Variants in DNAJB12 observed in about 807,000 individuals in gnomAD.
DNAJB12 encodes DnaJ heat shock protein family (Hsp40) member B12, also known as dnaJ homolog subfamily B member 12.
DNAJB12 carries 14 observed loss-of-function variants against 40.6 expected under a neutral mutation model. That is an observed-to-expected ratio of 0.34 (90% CI 0.23 to 0.54). The LOEUF is 0.54. Ranked by LOEUF, DNAJB12 falls within the 20% of genes least tolerant of loss-of-function variation. The probability of loss-of-function intolerance (pLI) is 0.92; values close to 1 mark genes in which losing one functional copy is unlikely to be tolerated. For missense variants in DNAJB12, 444 were observed against 501.7 expected (o/e 0.89, Z 1.10); for synonymous variants, 181 against 199.5 (o/e 0.91, Z 0.78).
intron 3 of DNAJB12, among the ~76,000 whole-genome samples, chr10:72,342,696 G>C (rs1221347750): frequency 2.0e-5 from 3 of 152,208 alleles, no homozygotes; most frequent in Non-Finnish European, 4.4e-5. Context: ...AGGAAGACAT[G>C]GTGGGAATGA....
At chr10:72,352,354 C>T (rs1038808735) in intron 1 of DNAJB12, among the ~76,000 whole-genome samples, 1 of 152,174 alleles carries the variant, frequency 6.6e-6, no homozygotes, top group African/African-American at 2.4e-5. Flanking sequence ...TTCCCCCAAA[C>T]GTTACAACTT....
chr10:72,352,339 A>T (rs1322840627), intron 1 of DNAJB12, among the ~76,000 whole-genome samples: 3 of 152,056 alleles, frequency 2.0e-5, no homozygotes, highest in Admixed American at 2.0e-4. Flanking sequence ...CTACACTTTG[A>T]TCTCTTCCCC....
chr10:72,344,766 C>T (rs544559007), intron 2 of DNAJB12, among the ~76,000 whole-genome samples, 184 bp downstream of exon 2: 94 of 152,264 alleles, frequency 6.2e-4, no homozygotes, highest in African/African-American at 2.2e-3. Context: ...ACACTGTATT[C>T]CTGGGCCTTG....
intron 5 of DNAJB12, 95 bp downstream of exon 5, chr10:72,340,694 T>C (rs1053058572): frequency 9.7e-6 from 12 of 1,239,312 alleles, no homozygotes; most frequent in Non-Finnish European, 1.4e-5. Flanking sequence ...GGTCCCAGAA[T>C]GGACAGTGTG....
chr10:72,337,306 G>A (rs1176173729), intron 6 of DNAJB12, among the ~76,000 whole-genome samples: 1 of 152,174 alleles, frequency 6.6e-6, no homozygotes, highest in Non-Finnish European at 1.5e-5. Context: ...CTGAGCCGGC[G>A]GCCAGGGTCC....
chr10:72,354,425 C>T, intron 1 of DNAJB12: 1 of 281,024 alleles, frequency 3.6e-6, no homozygotes, highest in South Asian at 6.0e-5. Flanking sequence ...CCTGGGCTAC[C>T]GAACGGCCCC....
intron 3 of DNAJB12, among the ~76,000 whole-genome samples, chr10:72,341,806 T>C (rs1463706558): frequency 6.6e-6 from 1 of 152,192 alleles, no homozygotes; most frequent in African/African-American, 2.4e-5. Flanking sequence ...CCTATCTCCA[T>C]TTCACCAATG....
intron 1 of DNAJB12, among the ~76,000 whole-genome samples, chr10:72,352,806 CAA>C (rs1861966244): frequency 6.6e-6 from 1 of 152,160 alleles, no homozygotes; most frequent in South Asian, 2.1e-4. Flanking sequence ...TGATCTTCAA[CAA>C]AAGTCTGCTG....
At position 72,335,600 on chromosome 10, in the gene DNAJB12, G is replaced by T; in HGVS notation, c.*30+180C>A. The T allele has an allele frequency of 7.2e-7, 1 of 1,388,356 alleles. No individual in the cohort carries two copies. Among genetic ancestry groups the T allele is most frequent in the Non-Finnish European group, 9.3e-7 (1 of 1,070,594 alleles). 86.0% of individuals were successfully genotyped at this position (1,388,356 alleles called of 1,614,324 possible). ...ACAGCATCGCTAGAGGGCGGAAACC[G>T]ACCTTGGTTTCCCAGCAGGCCCCAC... On this transcript the variant is annotated intron_variant, in intron 8 of 8. Coordinates refer to ENST00000444643, the MANE Select transcript of DNAJB12 (RefSeq NM_017626.7). This position sits in a 1 kb window ranked among gnomAD's most constrained non-coding sequence, Gnocchi z 4.4.
intron 3 of DNAJB12, among the ~76,000 whole-genome samples, chr10:72,342,889 A>G (rs916498976): frequency 2.0e-5 from 3 of 152,254 alleles, no homozygotes; most frequent in African/African-American, 7.2e-5. Flanking sequence ...CCCCACTGCA[A>G]GCCCCAGGTG....
At chr10:72,347,176 G>A (rs1049716193) in intron 1 of DNAJB12, among the ~76,000 whole-genome samples, 1 of 151,984 alleles carries the variant, frequency 6.6e-6, no homozygotes, top group African/African-American at 2.4e-5. Flanking sequence ...GGCCAGGCTG[G>A]TTTCGAACTC....
intron 1 of DNAJB12, among the ~76,000 whole-genome samples, chr10:72,348,327 G>A (rs750973651): frequency 6.6e-6 from 1 of 152,216 alleles, no homozygotes; most frequent in Non-Finnish European, 1.5e-5. Flanking sequence ...TTCCAGGCAC[G>A]AAACCTCAGT....
chr10:72,346,946 C>G (rs1248494689), intron 1 of DNAJB12, among the ~76,000 whole-genome samples: 1 of 151,558 alleles, frequency 6.6e-6, no homozygotes, highest in Non-Finnish European at 1.5e-5. Flanking sequence ...GCACTACTCC[C>G]TATTTTTACC....
chr10:72,345,893 CAA>C (rs1247241424), intron 1 of DNAJB12, among the ~76,000 whole-genome samples: 63 of 61,726 alleles, frequency 1.0e-3, no homozygotes, highest in Middle Eastern at 8.3e-3. Context: ...GGATCTGTCT[CAA>C]AAAAAAAAAA....
At position 72,336,555 on chromosome 10, in the gene DNAJB12, G is replaced by A; in HGVS notation, c.975C>T (p.Leu325=). ...RNVEDDYIAN[L]RNNCWKEKQQ... is the part of the protein sequence containing the mutation. ...GCTTCTCCTTCCAGCAGTTGTTCCG[G>A]AGGTTGGCGATATAATCATCTTCCA... Residue 325 remains leucine (L), a synonymous_variant, in exon 7 of 9, where the codon CTC becomes CTT. Transcript: ENST00000444643. 1 of 1,614,100 alleles carries A rather than the reference G, an allele frequency of 6.2e-7. No homozygotes were observed. Among genetic ancestry groups the A allele is most frequent in the Non-Finnish European group, 8.5e-7 (1 of 1,179,990 alleles).
intron 7 of DNAJB12, among the ~76,000 whole-genome samples, chr10:72,336,298 G>A (rs774249971): frequency 7.9e-5 from 12 of 152,244 alleles, no homozygotes; most frequent in Admixed American, 1.3e-4. Context: ...GCTGATGGCA[G>A]TGATTTACGG....
chr10:72,345,069 T>C lies in DNAJB12; in HGVS notation c.192A>G (p.Thr64=), dbSNP rs772966918. The C allele has an allele frequency of 1.2e-6, 2 of 1,614,154 alleles. No individual in the cohort carries two copies. Among genetic ancestry groups the C allele is most frequent in the Non-Finnish European group, 1.7e-6 (2 of 1,180,006 alleles). Residue 64 remains threonine, a synonymous_variant, in exon 2 of 9, where the codon ACA becomes ACG. Coordinates refer to ENST00000444643, the MANE Select transcript of DNAJB12 (RefSeq NM_017626.7). ...TCCTGTGGGTGGCATGGGTTGTGTC[T>C]GTGGGTGGGGGTTGGTCACCGGCAG... The part of the protein sequence containing the change: ...PQTAGDQPPP[T]DTTHATHRKA...
chr10:72,336,813 T>G, intron 6 of DNAJB12, 117 bp from the exon 7 acceptor site: 3 of 834,614 alleles, frequency 3.6e-6, no homozygotes, highest in Admixed American at 5.2e-5. Flanking sequence ...TGGTTCCCTC[T>G]CAAACCAGAG....
intron 2 of DNAJB12, 73 bp downstream of exon 2, chr10:72,344,877 T>G (rs1171014809): frequency 1.9e-6 from 3 of 1,565,108 alleles, no homozygotes. Context: ...AGATGGGAGG[T>G]GGAGGACATG....
Sources: gnomAD v4.1 joint callset for allele counts (sites outside exome capture counted in the v4.1 genomes callset) on GRCh38, gnomAD v4.1.1 for gene constraint, Gnocchi (gnomAD v3.1) non-coding constraint, MANE v1.5 for transcripts, NCBI Gene and HGNC (gene_info 2026-07-23, HGNC 2026-07-21) for gene names.